Variants in FANCB observed in about 807,000 individuals in gnomAD.
FANCB encodes the protein Fanconi anemia group B protein.
Under a neutral mutation model 38.9 loss-of-function variants are expected in FANCB, and 5 were observed. That is an observed-to-expected ratio of 0.13 (90% CI 0.07 to 0.27). FANCB has a LOEUF of 0.27. Ranked by LOEUF, FANCB falls within the 10% of genes least tolerant of loss-of-function variation. The pLI is 1.00. For synonymous variants in FANCB, 236 were observed against 215.4 expected (o/e 1.10, Z -0.84); for missense variants, 573 against 602.7 (o/e 0.95, Z 0.52).
At chrX:14,700,941 T>A in the FANCB span, among the ~76,000 whole-genome samples, 1 of 109,944 alleles carries the variant, frequency 9.1e-6, no homozygotes, top group Admixed American at 9.8e-5. Flanking sequence ...CCACTAGCCA[T>A]ACCCAGTAGA....
At position 14,868,978 on chromosome X, in the gene FANCB, A is replaced by C. The variant is rs947803279; in HGVS notation, c.-126T>G. Reference sequence around the variant, plus strand: ...TCTGGGACAATAGGCATCACAAAGTAGTTTCAGCTTCATCAGTAAAGAAGA... The same window carrying C: ...TCTGGGACAATAGGCATCACAAAGTCGTTTCAGCTTCATCAGTAAAGAAGA... On this transcript the variant is annotated 5_prime_UTR_variant, in exon 2 of 10. Transcript: ENST00000650831. 4.5e-5 allele frequency: 5 copies of C among 112,143 alleles called. No homozygotes were observed. The highest frequency in any genetic ancestry group is 9.4e-5 in the Non-Finnish European group (5 of 53,144). 9.2% of individuals were successfully genotyped at this position (112,143 alleles called of 1,213,427 possible).
chrX:14,762,095 G>T, the FANCB span, among the ~76,000 whole-genome samples: 10 of 110,927 alleles, frequency 9.0e-5, no homozygotes, highest in Admixed American at 3.8e-4. Context: ...GTCTGCTAAG[G>T]GCCTGTTCCC....
At chrX:14,708,923 A>C in the FANCB span, among the ~76,000 whole-genome samples, 1 of 110,492 alleles carries the variant, frequency 9.1e-6, no homozygotes, top group Non-Finnish European at 1.9e-5. Flanking sequence ...GCAACAAGAG[A>C]GAAACTCCGT....
At chrX:14,811,931 A>T in the FANCB span, among the ~76,000 whole-genome samples, 2 of 111,953 alleles carry the variant, frequency 1.8e-5, no homozygotes, top group Non-Finnish European at 3.8e-5. Context: ...TCTCCTCAGA[A>T]AATGTAAAAG....
chrX:14,844,061 A>G (rs1427346646), intron 9 of FANCB, 80 bp from the exon 10 acceptor site: 12 of 771,113 alleles, frequency 1.6e-5, no homozygotes, highest in Non-Finnish European at 2.1e-5. Flanking sequence ...GCAGTAATCA[A>G]TTAATATTCA....
At chrX:14,710,763 C>T in the FANCB span, among the ~76,000 whole-genome samples, 4 of 111,549 alleles carry the variant, frequency 3.6e-5, no homozygotes, top group Non-Finnish European at 7.5e-5. Context: ...TACATCTTTC[C>T]TGAACTTGGG....
rs769508299 is a variant in FANCB, at chrX:14,844,568, G to T, written c.2100C>A (p.Phe700Leu). 8.3e-7 allele frequency: 1 copy of T among 1,209,738 alleles called. No individual in the cohort carries two copies. Residue 700 changes from phenylalanine to leucine, a missense_variant, in exon 9 of 10, where the codon TTC becomes TTA. By Grantham distance (22) the Phe-to-Leu change is conservative (BLOSUM62 0). Transcript: ENST00000650831. The stretch of plus-strand genomic sequence containing the variant: ...GTTTCCAAGTGAAGAGTGTCCCATA[G>T]AAACTTCCCGGTCTTTCACAAAAGT... ...EVYFCERPGS[F>L]YGTLFTWKQR...
the FANCB span, among the ~76,000 whole-genome samples, chrX:14,808,848 T>C: frequency 8.9e-6 from 1 of 112,437 alleles, no homozygotes; most frequent in African/African-American, 3.2e-5. Context: ...TTAGAAGTGA[T>C]AAACAAATTC....
chrX:14,803,339 G>C, the FANCB span, among the ~76,000 whole-genome samples: 1 of 111,968 alleles, frequency 8.9e-6, no homozygotes, highest in Non-Finnish European at 1.9e-5. Flanking sequence ...TTTATTACTA[G>C]GGACAAGGTG....
the FANCB span, among the ~76,000 whole-genome samples, chrX:14,808,651 A>G: frequency 8.9e-6 from 1 of 112,431 alleles, no homozygotes; most frequent in Non-Finnish European, 1.9e-5. Context: ...TAAGATGTGT[A>G]ACATGACAAG....
the FANCB span, among the ~76,000 whole-genome samples, chrX:14,697,270 C>T: frequency 9.0e-6 from 1 of 111,607 alleles, no homozygotes; most frequent in Non-Finnish European, 1.9e-5. Context: ...TTTCCAATAC[C>T]TTGTGTGATT....
At chrX:14,706,276 G>T in the FANCB span, among the ~76,000 whole-genome samples, 1 of 111,440 alleles carries the variant, frequency 9.0e-6, no homozygotes, top group African/African-American at 3.3e-5. Context: ...AAAAATAACA[G>T]GATTCTCAGG....
intron 5 of FANCB, among the ~76,000 whole-genome samples, chrX:14,854,775 G>A (rs1011204539): frequency 9.0e-6 from 1 of 111,651 alleles, no homozygotes; most frequent in Non-Finnish European, 1.9e-5. Context: ...AAATCAAAAA[G>A]TAGCATTCCA....
chrX:14,694,387 TA>T, the FANCB span, among the ~76,000 whole-genome samples: 1 of 112,033 alleles, frequency 8.9e-6, no homozygotes, highest in Non-Finnish European at 1.9e-5. Context: ...GCTGTGAATA[TA>T]GTAGAGAATG....
chrX:14,690,800 G>A, the FANCB span: 20 of 1,202,037 alleles, frequency 1.7e-5, no homozygotes, highest in African/African-American at 3.5e-5. Flanking sequence ...GGTGAACTTC[G>A]TCTCCAGGCA....
chrX:14,847,997 GAATA>G (rs1402266571), intron 7 of FANCB, among the ~76,000 whole-genome samples: 2 of 111,359 alleles, frequency 1.8e-5, no homozygotes, highest in African/African-American at 3.3e-5. Flanking sequence ...ATGTATTCAA[GAATA>G]AATAAAAATG....
At chrX:14,757,070 TA>T in the FANCB span, among the ~76,000 whole-genome samples, 1 of 112,270 alleles carries the variant, frequency 8.9e-6, no homozygotes, top group Non-Finnish European at 1.9e-5. Context: ...ACAAAGTAAT[TA>T]ATGCTAGTGT....
chrX:14,763,563 T>C, the FANCB span, among the ~76,000 whole-genome samples: 2 of 112,158 alleles, frequency 1.8e-5, no homozygotes, highest in African/African-American at 6.5e-5. Context: ...CTTATAACTC[T>C]GCTTCTTGAT....
the FANCB span, among the ~76,000 whole-genome samples, chrX:14,737,667 T>C: frequency 8.9e-6 from 1 of 112,315 alleles, no homozygotes; most frequent in Non-Finnish European, 1.9e-5. Flanking sequence ...ACATATTAAA[T>C]TCTCAATAAC....
Sources: allele counts gnomAD v4.1 joint callset (sites outside exome capture counted in the v4.1 genomes callset), GRCh38; gene constraint gnomAD v4.1.1; transcripts MANE v1.5; gene names NCBI Gene and HGNC (gene_info 2026-07-23, HGNC 2026-07-21).